FBXL2: variants seen among roughly 807,000 people sequenced by gnomAD.
FBXL2 encodes F-box and leucine rich repeat protein 2.
In FBXL2, 38 loss-of-function variants were observed where a neutral mutation model predicts 69.2. That is an observed-to-expected ratio of 0.55 (90% CI 0.42 to 0.72). The LOEUF is 0.72. Ranked by LOEUF, FBXL2 falls within the 30% of genes least tolerant of loss-of-function variation. FBXL2 has a pLI of 0.00. For synonymous variants in FBXL2, 192 were observed against 201.3 expected, an observed-to-expected ratio of 0.95 and a Z score of 0.39; for missense variants, 354 against 520.3, an observed-to-expected ratio of 0.68 and a Z score of 3.11.
intron 2 of FBXL2, among the ~76,000 whole-genome samples, chr3:33,299,025 A>T (rs2036010097): frequency 1.3e-5 from 1 of 77,848 alleles, no homozygotes; most frequent in Admixed American, 1.6e-4. Context: ...TTATTTTTTT[A>T]ATTTTATTTA....
At chr3:33,291,254 AT>A (rs2035196151) in intron 1 of FBXL2, among the ~76,000 whole-genome samples, 1 of 152,060 alleles carries the variant, frequency 6.6e-6, no homozygotes, top group Admixed American at 6.6e-5. Flanking sequence ...AAAGTGCTGT[AT>A]TTTTTCTTAA....
rs1021316233 is a variant in FBXL2 at position 33,378,147 on chromosome 3, G to A, written c.894G>A (p.Leu298=). The change falls in exon 12 of 15, where the codon CTG becomes CTA. Residue 298 remains leucine (L), a splice_region_variant and synonymous_variant. Transcript: ENST00000484457. ...AGATGGATCTTGAAGAATGCATCCT[G>A]GTGAGTGGACTCCTGACAGCCCTGC... is the stretch of plus-strand genomic sequence containing the variant. ...LEKMDLEECI[L]ITDSTLIQLS... The A allele has an allele frequency of 3.1e-6, 5 of 1,614,020 alleles. No homozygotes were observed. Among genetic ancestry groups the A allele is most frequent in the Non-Finnish European group, 4.2e-6 (5 of 1,179,994 alleles).
At chr3:33,346,143 C>T (rs2040415778) in intron 2 of FBXL2, among the ~76,000 whole-genome samples, 1 of 152,102 alleles carries the variant, frequency 6.6e-6, no homozygotes, top group African/African-American at 2.4e-5. Context: ...AGGAGAATCG[C>T]TTAACCTGGG....
chr3:33,369,627 T>C (rs2042165908), intron 5 of FBXL2, among the ~76,000 whole-genome samples: 1 of 152,112 alleles, frequency 6.6e-6, no homozygotes, highest in Non-Finnish European at 1.5e-5. Flanking sequence ...ATTATTATTA[T>C]TATTTTAGAT....
intron 2 of FBXL2, among the ~76,000 whole-genome samples, chr3:33,325,542 G>T (rs1340182414): frequency 6.6e-6 from 1 of 152,124 alleles, no homozygotes; most frequent in Admixed American, 6.5e-5. Context: ...TGCATCTTTT[G>T]AGATAATCAT....
Position 33,364,614 on chromosome 3 carries a change from C to G in FBXL2, c.196-11C>G, listed in dbSNP as rs760948999. On this transcript the variant is annotated splice_polypyrimidine_tract_variant and intron_variant, in intron 4 of 14. Coordinates refer to ENST00000484457, the MANE Select transcript of FBXL2 (RefSeq NM_012157.5). ...ACAGTATTTTTTCCTCCCGAACTTT[C>G]TTGATTAAAGGGTCGAGTGGTGGAA... The G allele has an allele frequency of 6.2e-7, 1 of 1,612,720 alleles. No homozygotes were observed. Among genetic ancestry groups the G allele is most frequent in the Non-Finnish European group, 8.5e-7 (1 of 1,179,114 alleles).
At chr3:33,277,772 A>AC (rs2033465022) in intron 1 of FBXL2, among the ~76,000 whole-genome samples, 1 of 151,274 alleles carries the variant, frequency 6.6e-6, no homozygotes, top group South Asian at 2.1e-4. Context: ...GACAGCCCGG[A>AC]CCCCCACCCA....
At chr3:33,384,279 C>T (rs2043262774) in intron 14 of FBXL2, 78 bp downstream of exon 14, 3 of 1,436,362 alleles carry the variant, frequency 2.1e-6, no homozygotes, top group African/African-American at 1.4e-5. Context: ...CAGACCGGGG[C>T]TAGGCACGCG....
intron 2 of FBXL2, among the ~76,000 whole-genome samples, chr3:33,305,801 C>T (rs2036663222): frequency 6.6e-6 from 1 of 151,528 alleles, no homozygotes; most frequent in Non-Finnish European, 1.5e-5. Context: ...AGGAGTGTGT[C>T]CACTTTGAGT....
intron 12 of FBXL2, among the ~76,000 whole-genome samples, chr3:33,394,766 G>T (rs1209053895): frequency 6.7e-6 from 1 of 150,336 alleles, no homozygotes; most frequent in Non-Finnish European, 1.5e-5. Flanking sequence ...ATGATCTAGA[G>T]CAGGTGTCAC....
intron 2 of FBXL2, among the ~76,000 whole-genome samples, chr3:33,353,531 G>A (rs2040980254): frequency 6.6e-6 from 1 of 152,186 alleles, no homozygotes; most frequent in Admixed American, 6.5e-5. Flanking sequence ...CAGTCTGAAC[G>A]GTTACGTAGT....
At chr3:33,412,911 T>C in the FBXL2 span, 2 of 882,430 alleles carry the variant, frequency 2.3e-6, no homozygotes, top group Non-Finnish European at 3.8e-6. Context: ...TGTGTTAACC[T>C]GTAGCAGTAG....
At chr3:33,390,380 G>C (rs368432015), downstream of FBXL2, 1 of 1,613,638 alleles carries the variant, frequency 6.2e-7, no homozygotes, top group Non-Finnish European at 8.5e-7. Flanking sequence ...TGCAGAAAAA[G>C]GAAAGACAGT....
chr3:33,417,151 A>G, the FBXL2 span, among the ~76,000 whole-genome samples: 3 of 152,158 alleles, frequency 2.0e-5, no homozygotes, highest in Non-Finnish European at 4.4e-5. Context: ...TTTACATACC[A>G]TAAAATTCAC....
chr3:33,380,325 G>A (rs1201793885), intron 13 of FBXL2, among the ~76,000 whole-genome samples: 2 of 152,032 alleles, frequency 1.3e-5, no homozygotes, highest in Non-Finnish European at 2.9e-5. Context: ...GGGAGGCCGA[G>A]GCAGGCAGAT....
At chr3:33,385,406 T>C in intron 14 of FBXL2, 95 bp from the exon 15 acceptor site, 2 of 1,124,436 alleles carry the variant, frequency 1.8e-6, no homozygotes, top group South Asian at 1.2e-5. Context: ...AAGGTGAAGA[T>C]TTTTAATAGA....
intron 2 of FBXL2, among the ~76,000 whole-genome samples, chr3:33,336,192 G>A (rs1270915547): frequency 6.6e-6 from 1 of 152,132 alleles, no homozygotes; most frequent in African/African-American, 2.4e-5. Context: ...ATATGTAAAG[G>A]CATATTATAA....
At chr3:33,290,197 G>A (rs950812695) in intron 1 of FBXL2, among the ~76,000 whole-genome samples, 1 of 152,132 alleles carries the variant, frequency 6.6e-6, no homozygotes, top group Non-Finnish European at 1.5e-5. Flanking sequence ...TTCTCCTGAA[G>A]GTAAAGTTCT....
intron 13 of FBXL2, among the ~76,000 whole-genome samples, chr3:33,379,511 C>T (rs190293630): frequency 8.8e-5 from 13 of 147,612 alleles, no homozygotes; most frequent in African/African-American, 2.7e-4. Flanking sequence ...TGCACCACCA[C>T]GCCCAGCAAA....
Sources: gnomAD v4.1 joint callset for allele counts (sites outside exome capture counted in the v4.1 genomes callset) on GRCh38, gnomAD v4.1.1 for gene constraint, MANE v1.5 for transcripts, NCBI Gene and HGNC (gene_info 2026-07-23, HGNC 2026-07-21) for gene names.